CHD1L: variants seen among roughly 807,000 people sequenced by gnomAD.
CHD1L encodes the protein ATP-dependent chromatin remodeler CHD1L.
CHD1L carries 118 observed loss-of-function variants against 115.9 expected under a neutral mutation model. The observed-to-expected ratio is 1.02, with a 90% CI of 0.88 to 1.19. CHD1L has a LOEUF of 1.19. Among genes scored for constraint, CHD1L ranks in the 50% most tolerant of loss-of-function variants. The pLI, the probability that CHD1L is intolerant of heterozygous loss-of-function variation, is 0.00. For missense variants in CHD1L, 1,179 were observed against 1,065.3 expected, an observed-to-expected ratio of 1.11 and a Z score of -1.49; for synonymous variants, 411 against 387.1, an observed-to-expected ratio of 1.06 and a Z score of -0.72.
chr1:147,213,879 T>C, the CHD1L span, among the ~76,000 whole-genome samples: 1 of 152,164 alleles, frequency 6.6e-6, no homozygotes, highest in Non-Finnish European at 1.5e-5. Context: ...GGTTCTCTTC[T>C]CCTGGCTACC....
At chr1:147,257,768 A>G (rs1379545593) in intron 5 of CHD1L, among the ~76,000 whole-genome samples, 2 of 152,212 alleles carry the variant, frequency 1.3e-5, no homozygotes, top group African/African-American at 4.8e-5. Context: ...TAACCCATCC[A>G]AGGTTACATT....
chr1:147,236,907 C>A, the CHD1L span, among the ~76,000 whole-genome samples: 1 of 152,202 alleles, frequency 6.6e-6, no homozygotes, highest in African/African-American at 2.4e-5. Flanking sequence ...AGGCTTCAGG[C>A]CCTCCCCAGC....
the CHD1L span, chr1:147,225,308 C>A: frequency 1.8e-6 from 1 of 558,736 alleles, no homozygotes; most frequent in Non-Finnish European, 2.8e-6. Flanking sequence ...AAGCGCTCAA[C>A]AGATCCTTCA....
the CHD1L span, chr1:147,213,174 T>C: frequency 2.6e-6 from 2 of 756,748 alleles, no homozygotes; most frequent in African/African-American, 1.8e-5. Flanking sequence ...AACATCCTTC[T>C]GGGGAACAAG....
the CHD1L span, among the ~76,000 whole-genome samples, chr1:147,212,163 T>G: frequency 1.3e-5 from 2 of 152,322 alleles, no homozygotes; most frequent in South Asian, 2.1e-4. Flanking sequence ...ATCCAGTTCC[T>G]TGGTGTGAGG....
intron 6 of CHD1L, among the ~76,000 whole-genome samples, chr1:147,262,816 T>C (rs891706765): frequency 6.7e-6 from 1 of 149,934 alleles, no homozygotes; most frequent in Non-Finnish European, 1.5e-5. Context: ...TGTCTTCCTA[T>C]GGCCCCCCCT....
At chr1:147,194,555 G>A in the CHD1L span, among the ~76,000 whole-genome samples, 1 of 152,160 alleles carries the variant, frequency 6.6e-6, no homozygotes, top group Non-Finnish European at 1.5e-5. Context: ...TGATTATGAT[G>A]TTAGCTGGTT....
intron 4 of CHD1L, 127 bp from the exon 5 acceptor site, chr1:147,256,404 T>C: frequency 3.6e-6 from 3 of 836,852 alleles, no homozygotes; most frequent in Non-Finnish European, 5.6e-6. Context: ...TCAGAACTTT[T>C]TTTTACTTAG....
intron 8 of CHD1L, 113 bp downstream of exon 8, chr1:147,266,200 T>C (rs1426735507): frequency 3.9e-6 from 4 of 1,024,186 alleles, no homozygotes; most frequent in South Asian, 1.8e-5. Context: ...GGATGGAATT[T>C]TGTATTCTGA....
the CHD1L span, chr1:147,178,234 G>A: frequency 5.5e-5 from 89 of 1,613,506 alleles, no homozygotes; most frequent in Non-Finnish European, 7.2e-5. Flanking sequence ...TCGCATCTCC[G>A]ACACGGGCTC....
intron 8 of CHD1L, among the ~76,000 whole-genome samples, chr1:147,266,812 ATCT>A (rs749377078): frequency 2.0e-5 from 3 of 152,368 alleles, no homozygotes; most frequent in South Asian, 2.1e-4. Flanking sequence ...GTAAGAACAA[ATCT>A]TCTGTCTGTG....
At chr1:147,203,200 TAAGAA>T in the CHD1L span, 1 of 773,002 alleles carries the variant, frequency 1.3e-6, no homozygotes, top group Non-Finnish European at 2.1e-6. Flanking sequence ...GTAAGGAGAA[TAAGAA>T]AACATCACGC....
chr1:147,259,916 G>T lies in CHD1L; in HGVS notation c.574G>T (p.Glu192Ter). 6.2e-7 allele frequency: 1 copy of T among 1,612,260 alleles called. No homozygotes were observed. Among genetic ancestry groups the T allele is most frequent in the East Asian group, 2.2e-5 (1 of 44,844 alleles). ...QSSLLHKTLS[E>*]FSVVFSLLLT... The stretch of plus-strand genomic sequence containing the variant: ...CTCCCTGCTGCATAAGACCTTGTCA[G>T]AGGTAAACTTACAGTGTAGCCTTAG... Residue 192 changes from glutamate to a stop codon, truncating the protein, a stop_gained and splice_region_variant, in exon 6 of 23, where the codon GAG becomes TAG. Transcript: ENST00000369258. LOFTEE classifies it high-confidence loss of function.
the CHD1L span, chr1:147,204,899 C>A: frequency 6.3e-7 from 1 of 1,582,814 alleles, no homozygotes; most frequent in Non-Finnish European, 8.7e-7. Flanking sequence ...AGCATCTGGG[C>A]GAAGCCCGGA....
At chr1:147,259,082 A>G (rs1381768037) in intron 5 of CHD1L, 1 of 152,182 alleles carries the variant, frequency 6.6e-6, no homozygotes, top group African/African-American at 2.4e-5. Context: ...GCTGTTTTAA[A>G]TAATACAACT....
chr1:147,179,445 A>G, the CHD1L span: 2 of 1,592,390 alleles, frequency 1.3e-6, no homozygotes, highest in African/African-American at 1.3e-5. Context: ...TGCCTTCTCC[A>G]TATGAAGTCA....
At chr1:147,215,107 A>T in the CHD1L span, 2 of 152,182 alleles carry the variant, frequency 1.3e-5, no homozygotes, top group Non-Finnish European at 2.9e-5. Flanking sequence ...AAAGTCCTAG[A>T]ATACTTTAGA....
Position 147,272,133 on chromosome 1 carries a change from A to G in CHD1L, c.1160-38A>G, listed in dbSNP as rs781839076. 3.6e-5 allele frequency: 56 copies of G among 1,550,334 alleles called. No homozygotes were observed. The East Asian group carries it at 1.2e-3, about 35-fold the overall frequency. On this transcript the variant is annotated intron_variant, in intron 11 of 22. Coordinates refer to ENST00000369258, the MANE Select transcript of CHD1L (RefSeq NM_004284.6). ...TTTTATTCCCCAAAGACTACTTGAA[A>G]AGGGTTAAGATTTCTGTTTTTCTTC...
chr1:147,276,701 G>A (rs1678599794), intron 14 of CHD1L, among the ~76,000 whole-genome samples: 1 of 152,156 alleles, frequency 6.6e-6, no homozygotes, highest in Admixed American at 6.5e-5. Flanking sequence ...AGAAAAAATG[G>A]GTGAAAGAAC....
Sources: gnomAD v4.1 joint callset for allele counts (sites outside exome capture counted in the v4.1 genomes callset) on GRCh38, gnomAD v4.1.1 for gene constraint, MANE v1.5 for transcripts, NCBI Gene and HGNC (gene_info 2026-07-23, HGNC 2026-07-21) for gene names.